The following RTL9 variants were observed in gnomAD, a reference collection of about 807,000 sequenced individuals.
The protein encoded by RTL9 is retrotransposon Gag like 9, also known as retrotransposon Gag-like protein 9.
In RTL9, 19 loss-of-function variants were observed where a neutral mutation model predicts 44.7. That is an observed-to-expected ratio of 0.42 (90% CI 0.30 to 0.62). The LOEUF is 0.62. Among genes scored for constraint, RTL9 ranks in the 20% least tolerant of loss-of-function variants. The probability of loss-of-function intolerance (pLI) is 0.16; values close to 1 mark genes in which losing one functional copy is unlikely to be tolerated. For synonymous variants in RTL9, 407 were observed against 398.9 expected (o/e 1.02, Z -0.24); for missense variants, 1,105 against 1,080.6 (o/e 1.02, Z -0.32).
intron 1 of RTL9, among the ~76,000 whole-genome samples, chrX:110,427,283 C>T (rs1054643719): frequency 1.8e-5 from 2 of 112,215 alleles, no homozygotes; most frequent in Non-Finnish European, 3.8e-5. Context: ...ACACCTCCAT[C>T]CCCTCCACTT....
intron 1 of RTL9, among the ~76,000 whole-genome samples, chrX:110,362,394 A>G (rs1001232490): frequency 8.9e-6 from 1 of 112,164 alleles, no homozygotes; most frequent in South Asian, 3.7e-4. Flanking sequence ...CCCTCTAATA[A>G]CAATAATAAC....
rs1214822722 is a variant in RTL9 at position 110,452,212 on chromosome X, C to A, written c.1595C>A (p.Ala532Asp). 5 of 1,211,948 alleles carry A rather than the reference C, an allele frequency of 4.1e-6. No homozygotes were observed. In the South Asian group the frequency reaches 7.0e-5, roughly 17 times the overall value. The change falls in exon 1 of 2, where the codon GCC becomes GAC. Residue 532 changes from alanine to aspartate, a missense_variant. Physicochemically the swap from Ala to Asp is moderately radical, Grantham distance 126. Coordinates refer to ENST00000540313, the Ensembl canonical transcript of RTL9. ...TCCATGCCACAATTGACAGTCCCAG[C>A]CTCTGGATCAATGTCCATGCTGCAA...
At chrX:110,361,084 C>A (rs745500877) in intron 1 of RTL9, among the ~76,000 whole-genome samples, 1 of 110,789 alleles carries the variant, frequency 9.0e-6, no homozygotes, top group African/African-American at 3.3e-5. Flanking sequence ...CTCCAACTTA[C>A]CATGTTCAAA....
intron 1 of RTL9, among the ~76,000 whole-genome samples, chrX:110,430,361 T>C (rs1478905624): frequency 8.9e-6 from 1 of 112,643 alleles, no homozygotes; most frequent in African/African-American, 3.2e-5. Flanking sequence ...TCTAAGTGCT[T>C]TGTGTGTATT....
intron 1 of RTL9, among the ~76,000 whole-genome samples, chrX:110,394,443 G>A (rs2068515857): frequency 8.9e-6 from 1 of 112,009 alleles, no homozygotes. Flanking sequence ...AGTAGAGACA[G>A]GGTTTCACCA....
chrX:110,366,780 G>A (rs1003277843), intron 1 of RTL9, among the ~76,000 whole-genome samples: 2 of 111,798 alleles, frequency 1.8e-5, no homozygotes, highest in African/African-American at 3.3e-5. Context: ...GCTTATAACC[G>A]TGCTAACCAG....
At chrX:110,389,597 G>T (rs1262147280) in intron 1 of RTL9, among the ~76,000 whole-genome samples, 1 of 111,546 alleles carries the variant, frequency 9.0e-6, no homozygotes, top group East Asian at 2.8e-4. Context: ...ATACCCTTAA[G>T]GTTATTCAAT....
intron 1 of RTL9, among the ~76,000 whole-genome samples, chrX:110,420,271 TC>T (rs1193726361): frequency 3.6e-5 from 4 of 112,188 alleles, no homozygotes; most frequent in Non-Finnish European, 7.5e-5. Flanking sequence ...CATTTTTGCT[TC>T]CCCTGTGCCT....
intron 1 of RTL9, among the ~76,000 whole-genome samples, chrX:110,401,932 C>A (rs1602970914): frequency 8.9e-6 from 1 of 112,221 alleles, no homozygotes; most frequent in East Asian, 2.8e-4. Flanking sequence ...GCCTCACCCC[C>A]ATAACCATCC....
intron 1 of RTL9, among the ~76,000 whole-genome samples, chrX:110,443,976 A>G (rs773700386): frequency 8.9e-6 from 1 of 112,404 alleles, no homozygotes; most frequent in African/African-American, 3.2e-5. Flanking sequence ...GATCAAGGCT[A>G]TGGACCTCCT....
At chrX:110,404,007 C>T (rs2068581576) in intron 1 of RTL9, among the ~76,000 whole-genome samples, 1 of 112,496 alleles carries the variant, frequency 8.9e-6, no homozygotes, top group African/African-American at 3.2e-5. Context: ...GCACACAGTC[C>T]AGCATGGGGT....
At chrX:110,451,231 C>T (rs1326415745) in exon 1 of RTL9, 17 of 1,211,683 alleles carry the variant, frequency 1.4e-5, no homozygotes, top group Non-Finnish European at 1.9e-5. Flanking sequence ...GAGTTATCCC[C>T]AATTCTAATG....
intron 1 of RTL9, among the ~76,000 whole-genome samples, chrX:110,394,431 T>G (rs949546631): frequency 8.9e-6 from 1 of 112,033 alleles, no homozygotes; most frequent in African/African-American, 3.2e-5. Context: ...TTTTGTATTT[T>G]TAGTAGAGAC....
At chrX:110,432,887 C>T (rs2068808209) in intron 1 of RTL9, among the ~76,000 whole-genome samples, 1 of 112,918 alleles carries the variant, frequency 8.9e-6, no homozygotes, top group African/African-American at 3.2e-5. Flanking sequence ...CATGCATCCT[C>T]AGACGCTTCT....
At chrX:110,398,602 G>A (rs1360885289) in intron 1 of RTL9, among the ~76,000 whole-genome samples, 3 of 111,744 alleles carry the variant, frequency 2.7e-5, no homozygotes, top group Non-Finnish European at 3.8e-5. Flanking sequence ...CTTGCCCAAG[G>A]TCATAGAACT....
intron 2 of RTL9, among the ~76,000 whole-genome samples, chrX:110,445,500 A>G (rs1371369262): frequency 9.0e-6 from 1 of 111,080 alleles, no homozygotes; most frequent in East Asian, 2.8e-4. Context: ...GGGAGGAAGG[A>G]AGTGGGGAGG....
At chrX:110,453,497 A>G in exon 1 of RTL9, 1 of 1,212,113 alleles carries the variant, frequency 8.3e-7, no homozygotes, top group Non-Finnish European at 1.1e-6. Context: ...CGGCCTCTGG[A>G]ACAATGCCCA....
chrX:110,432,169 T>TAAGGAAGGAG, intron 1 of RTL9, among the ~76,000 whole-genome samples: 1 of 112,278 alleles, frequency 8.9e-6, no homozygotes, highest in East Asian at 2.8e-4. Flanking sequence ...AGGGAGGGGC[T>TAAGGAAGGAG]AAGTGCCTAG....
chrX:110,386,160 C>T (rs2068453454), intron 1 of RTL9, among the ~76,000 whole-genome samples: 1 of 110,415 alleles, frequency 9.1e-6, no homozygotes, highest in Admixed American at 9.6e-5. Flanking sequence ...AGTGGAATTG[C>T]TGGATCATAT....
Sources: gnomAD v4.1 joint callset for allele counts (sites outside exome capture counted in the v4.1 genomes callset) on GRCh38, gnomAD v4.1.1 for gene constraint, MANE v1.5 for transcripts, NCBI Gene and HGNC (gene_info 2026-07-23, HGNC 2026-07-21) for gene names.